THSD4: variants seen among roughly 807,000 people sequenced by gnomAD.
The protein encoded by THSD4 is thrombospondin type 1 domain containing 4.
A neutral mutation model predicts 119.0 loss-of-function variants in THSD4; 69 were observed. The observed-to-expected ratio is 0.58, with a 90% CI of 0.48 to 0.71. THSD4 has a LOEUF of 0.71. Among genes scored for constraint, THSD4 ranks in the 30% least tolerant of loss-of-function variants. THSD4 has a pLI of 0.00. For synonymous variants in THSD4, 524 were observed against 540.4 expected, an observed-to-expected ratio of 0.97 and a Z score of 0.42; for missense variants, 1,393 against 1,391.1, an observed-to-expected ratio of 1.00 and a Z score of -0.02.
intron 14 of THSD4, among the ~76,000 whole-genome samples, chr15:71,749,598 C>A (rs2053405696): frequency 6.6e-6 from 1 of 152,130 alleles, no homozygotes; most frequent in South Asian, 2.1e-4. Flanking sequence ...TACCTGTGAA[C>A]CGCATTAAAG....
At chr15:71,177,824 G>A (rs1216069387) in intron 3 of THSD4, among the ~76,000 whole-genome samples, 3 of 149,938 alleles carry the variant, frequency 2.0e-5, no homozygotes, top group African/African-American at 7.4e-5. Flanking sequence ...GGGATGCAAG[G>A]CTGGTTCAAT....
intron 4 of THSD4, among the ~76,000 whole-genome samples, chr15:71,218,645 C>T (rs996945196): frequency 3.9e-5 from 6 of 152,172 alleles, no homozygotes; most frequent in Non-Finnish European, 7.3e-5. Flanking sequence ...CATGCTCCTC[C>T]CGGCTGATGA....
intron 6 of THSD4, among the ~76,000 whole-genome samples, chr15:71,297,112 T>C (rs1258436291): frequency 6.6e-6 from 1 of 152,148 alleles, no homozygotes; most frequent in Non-Finnish European, 1.5e-5. Context: ...ATTAACCCAT[T>C]TCCTTCACAT....
At chr15:71,188,807 T>A (rs2043640647) in intron 3 of THSD4, 1 of 152,572 alleles carries the variant, frequency 6.6e-6, no homozygotes, top group African/African-American at 2.4e-5. Context: ...AACAAAAGGA[T>A]ACACTTACAG....
chr15:71,109,762 G>A lies in THSD4; in HGVS notation c.-80+12756G>A, dbSNP rs554851424. On this transcript the variant is annotated intron_variant, in intron 1 of 17. Coordinates refer to the THSD4 transcript ENST00000355327. ...AAAAAAAAAGGAACGTGGGACCCAG[G>A]AACACTCTGGCAGCACTGTCTGGTG... Among the ~76,000 whole-genome samples the A allele has an allele frequency of 7.9e-5, 12 of 151,676 alleles. No homozygotes were observed. In the South Asian group the frequency reaches 8.4e-4, roughly 11 times the overall value.
intron 6 of THSD4, among the ~76,000 whole-genome samples, chr15:71,272,198 C>T (rs1246490271): frequency 6.6e-6 from 1 of 151,602 alleles, no homozygotes; most frequent in African/African-American, 2.4e-5. Flanking sequence ...GTCAGGAATT[C>T]GAGACCAGCC....
chr15:71,752,336 G>A (rs1213822835), intron 14 of THSD4, among the ~76,000 whole-genome samples: 1 of 152,166 alleles, frequency 6.6e-6, no homozygotes, highest in Non-Finnish European at 1.5e-5. Context: ...ATTTTGCTTT[G>A]CATTTCAACA....
chr15:71,388,739 G>A (rs531114803), intron 6 of THSD4, among the ~76,000 whole-genome samples: 2 of 151,618 alleles, frequency 1.3e-5, no homozygotes, highest in African/African-American at 4.9e-5. Context: ...CAGGCATATT[G>A]AGTCCTTTTT....
In THSD4 at chr15:71,120,707, TCG is replaced by T. The variant is rs775767938; in HGVS notation, c.-80+5010_-80+5011del. 3.5e-4 allele frequency among the ~76,000 whole-genome samples: 53 copies of T among 152,302 alleles called. No individual in the cohort carries two copies. The Middle Eastern group carries it at 0.02, about 59-fold the overall frequency. On this transcript the variant is annotated intron_variant, in intron 1 of 17. Coordinates refer to ENST00000261862, the MANE Select transcript of THSD4 (RefSeq NM_024817.3). ...GAAGGGCCAGCCATGGGCTGGGAGC[TCG>T]TCATGACCTGCTCCAGGTGGGCTTG...
intron 6 of THSD4, among the ~76,000 whole-genome samples, chr15:71,383,940 C>A (rs2046260365): frequency 6.6e-6 from 1 of 152,074 alleles, no homozygotes; most frequent in African/African-American, 2.4e-5. Flanking sequence ...TGCAGGAAGT[C>A]CTGAACTAAT....
At chr15:71,645,159 C>T (rs1018928477) in intron 7 of THSD4, among the ~76,000 whole-genome samples, 3 of 152,118 alleles carry the variant, frequency 2.0e-5, no homozygotes, top group African/African-American at 7.2e-5. Flanking sequence ...GACTCAAACC[C>T]AGAGGAAAGA....
intron 7 of THSD4, among the ~76,000 whole-genome samples, chr15:71,483,085 C>A (rs1295108839): frequency 1.3e-5 from 2 of 152,000 alleles, no homozygotes; most frequent in Non-Finnish European, 2.9e-5. Context: ...TGCTAATAAA[C>A]AGTATCTTTT....
At chr15:71,586,922 T>C (rs1035397094) in intron 7 of THSD4, among the ~76,000 whole-genome samples, 2 of 152,234 alleles carry the variant, frequency 1.3e-5, no homozygotes, top group East Asian at 3.8e-4. Context: ...CTATGGAAGA[T>C]ATAAAATGCA....
At chr15:71,228,382 A>G (rs1293872708) in intron 4 of THSD4, among the ~76,000 whole-genome samples, 1 of 151,876 alleles carries the variant, frequency 6.6e-6, no homozygotes, top group Non-Finnish European at 1.5e-5. Context: ...TGAAAGGAGC[A>G]TGGCCCTGCT....
intron 4 of THSD4, among the ~76,000 whole-genome samples, chr15:71,231,286 T>C (rs1449708383): frequency 6.6e-6 from 1 of 152,206 alleles, no homozygotes; most frequent in African/African-American, 2.4e-5. Flanking sequence ...GAGTCTTTTA[T>C]TCTTAAGGTT....
intron 7 of THSD4, among the ~76,000 whole-genome samples, chr15:71,654,931 T>C (rs4404024): frequency 0.92 from 139,525 of 152,210 alleles, 65,209 homozygotes; most frequent in East Asian, 1. Flanking sequence ...CCTACCCTGC[T>C]GTGAAGGACA....
At position 71,480,876 on chromosome 15, in the gene THSD4, A is replaced by G. The variant is rs563237337; in HGVS notation, c.1152+69053A>G. Among the ~76,000 whole-genome samples, 13 of 152,346 alleles carry G rather than the reference A, an allele frequency of 8.5e-5. No individual in the cohort carries two copies. The East Asian group carries it at 1.3e-3, about 16-fold the overall frequency. On this transcript the variant is annotated intron_variant, in intron 7 of 17. Coordinates refer to ENST00000261862, the MANE Select transcript of THSD4 (RefSeq NM_024817.3). ...ACACTCATCAACTCTACCATAGTCT[A>G]TCTTCATTTTTCATTGTAAACACAT...
chr15:71,208,959 C>G (rs1253731836), intron 3 of THSD4, among the ~76,000 whole-genome samples: 1 of 152,110 alleles, frequency 6.6e-6, no homozygotes, highest in Non-Finnish European at 1.5e-5. Flanking sequence ...CCCCCTTAAC[C>G]CTAGCCTCAC....
At position 71,326,701 on chromosome 15, in the gene THSD4, ATAT is replaced by A. The variant is rs1165248288; in HGVS notation, c.1015+69987_1015+69989del. On this transcript the variant is annotated intron_variant, in intron 6 of 17. Coordinates refer to ENST00000261862, the MANE Select transcript of THSD4 (RefSeq NM_024817.3). ...AAAAAAAAAAAAAAAAAAAAAAAAAATATATATATATATATATATATATATTAG... is the reference window on the plus strand; with the variant it reads ...AAAAAAAAAAAAAAAAAAAAAAAAAAATATATATATATATATATATATTAG... 7.9e-4 allele frequency among the ~76,000 whole-genome samples: 12 copies of A among 15,204 alleles called. No individual in the cohort carries two copies. The East Asian group carries it at 0.026, about 33-fold the overall frequency. 10.0% of individuals were successfully genotyped at this position (15,204 alleles called of 152,430 possible).
Sources: gnomAD v4.1 joint callset for allele counts (sites outside exome capture counted in the v4.1 genomes callset) on GRCh38, gnomAD v4.1.1 for gene constraint, MANE v1.5 for transcripts, NCBI Gene and HGNC (gene_info 2026-07-23, HGNC 2026-07-21) for gene names.